Variants in FAM110B observed in about 807,000 individuals in gnomAD.
The protein encoded by FAM110B is family with sequence similarity 110 member B.
In FAM110B, 6 loss-of-function variants were observed where a neutral mutation model predicts 20.4. That is an observed-to-expected ratio of 0.29 (90% CI 0.16 to 0.58). FAM110B has a LOEUF of 0.58. Ranked by LOEUF, FAM110B falls within the 20% of genes least tolerant of loss-of-function variation. The pLI, the probability that FAM110B is intolerant of heterozygous loss-of-function variation, is 0.90. For missense variants in FAM110B, 434 were observed against 498.2 expected (o/e 0.87, Z 1.23); for synonymous variants, 226 against 214.1 (o/e 1.06, Z -0.49).
chr8:58,124,088 C>T (rs1807432666), intron 3 of FAM110B, among the ~76,000 whole-genome samples: 1 of 152,188 alleles, frequency 6.6e-6, no homozygotes, highest in Non-Finnish European at 1.5e-5. Context: ...ATAAAAGTGT[C>T]AACCTAGTGA....
intron 3 of FAM110B, chr8:58,100,881 A>T (rs555813835): frequency 6.6e-6 from 1 of 152,346 alleles, no homozygotes; most frequent in East Asian, 1.9e-4. Flanking sequence ...TTGCAATAAA[A>T]CTGGTTTTCT....
chr8:58,008,750 G>A (rs1010737892), intron 1 of FAM110B, among the ~76,000 whole-genome samples: 3 of 152,186 alleles, frequency 2.0e-5, no homozygotes, highest in African/African-American at 7.2e-5. Flanking sequence ...TCTGAACTAA[G>A]GCTGACACCA....
Position 58,146,235 on chromosome 8 carries a change from C to T in FAM110B, c.5C>T (p.Pro2Leu). 6.3e-7 allele frequency: 1 copy of T among 1,592,118 alleles called. No homozygotes were observed. The highest frequency in any genetic ancestry group is 8.6e-7 in the Non-Finnish European group (1 of 1,165,954). Reference protein sequence around the residue: MPTETLQTGSMV... With the variant: MLTETLQTGSMV... The stretch of plus-strand genomic sequence containing the variant: ...GCCGGGGAAAGACCGCCCACCATGC[C>T]CACGGAGACCCTACAGACAGGTAGC... Residue 2 changes from proline to leucine, a missense_variant, in exon 4 of 4, where the codon CCC becomes CTC. Physicochemically the swap from Pro to Leu is moderately conservative, Grantham distance 98. Around this residue, in one of 3 missense-constraint regions of FAM110B, gnomAD observed 56 missense variants for 82.1 expected, o/e 0.68. Transcript: ENST00000519262.
chr8:58,041,925 ACT>A (rs1339154077), intron 2 of FAM110B, among the ~76,000 whole-genome samples: 3 of 152,058 alleles, frequency 2.0e-5, no homozygotes, highest in African/African-American at 4.8e-5. Flanking sequence ...ATTTCCTTGA[ACT>A]CTGATTTTTC....
At chr8:58,079,072 C>A (rs1806117329) in intron 3 of FAM110B, among the ~76,000 whole-genome samples, 1 of 152,092 alleles carries the variant, frequency 6.6e-6, no homozygotes, top group Non-Finnish European at 1.5e-5. Flanking sequence ...CTCATGCCAG[C>A]ACCCCTGACT....
intron 1 of FAM110B, among the ~76,000 whole-genome samples, chr8:58,017,697 G>A (rs938715444): frequency 6.6e-6 from 1 of 152,208 alleles, no homozygotes; most frequent in African/African-American, 2.4e-5. Flanking sequence ...AATAAATTGT[G>A]AAGAAAGATA....
chr8:58,119,361 T>G (rs76614706), intron 3 of FAM110B, among the ~76,000 whole-genome samples: 1 of 152,228 alleles, frequency 6.6e-6, no homozygotes, highest in Non-Finnish European at 1.5e-5. Context: ...GACTTCTTGC[T>G]ATGTCCTCGC....
chr8:58,017,571 A>G (rs527278711), intron 1 of FAM110B, among the ~76,000 whole-genome samples: 5 of 152,322 alleles, frequency 3.3e-5, no homozygotes, highest in East Asian at 3.9e-4. Context: ...GAGGGTGTGC[A>G]GTTTCTTTTC....
At chr8:58,103,503 C>G (rs1806837344) in intron 3 of FAM110B, among the ~76,000 whole-genome samples, 1 of 152,136 alleles carries the variant, frequency 6.6e-6, no homozygotes, top group South Asian at 2.1e-4. Context: ...GACATGAACT[C>G]ATCATTTTTT....
intron 3 of FAM110B, among the ~76,000 whole-genome samples, chr8:58,108,074 A>G (rs1478692105): frequency 6.6e-6 from 1 of 152,166 alleles, no homozygotes; most frequent in East Asian, 1.9e-4. Context: ...CTTCTTATAC[A>G]TGAGTTTATA....
chr8:58,091,091 A>G (rs1289263886), intron 3 of FAM110B, among the ~76,000 whole-genome samples: 1 of 152,188 alleles, frequency 6.6e-6, no homozygotes, highest in Non-Finnish European at 1.5e-5. Flanking sequence ...CTACTAAAGC[A>G]TGCTCTTTAG....
chr8:58,047,002 C>T (rs1450983160), intron 2 of FAM110B, among the ~76,000 whole-genome samples: 2 of 152,154 alleles, frequency 1.3e-5, no homozygotes, highest in African/African-American at 2.4e-5. Flanking sequence ...CTGATGTCGA[C>T]AGCCGTAATG....
intron 3 of FAM110B, among the ~76,000 whole-genome samples, chr8:58,109,371 T>C (rs897060002): frequency 6.6e-6 from 1 of 152,138 alleles, no homozygotes; most frequent in Non-Finnish European, 1.5e-5. Flanking sequence ...ATTTTTGCTA[T>C]ACAAATCTAG....
At chr8:58,090,312 G>A (rs1028545027) in intron 3 of FAM110B, among the ~76,000 whole-genome samples, 19 of 152,130 alleles carry the variant, frequency 1.2e-4, no homozygotes, top group African/African-American at 3.9e-4. Flanking sequence ...GGCGCATGCC[G>A]CCACACCTGG....
At chr8:58,128,794 G>A (rs1807576715) in intron 3 of FAM110B, among the ~76,000 whole-genome samples, 1 of 152,190 alleles carries the variant, frequency 6.6e-6, no homozygotes, top group Non-Finnish European at 1.5e-5. Flanking sequence ...ATTTTGAGTA[G>A]TTCTTTGTCC....
intron 3 of FAM110B, among the ~76,000 whole-genome samples, chr8:58,084,801 TG>T (rs1806292220): frequency 6.6e-6 from 1 of 152,308 alleles, no homozygotes; most frequent in East Asian, 1.9e-4. Flanking sequence ...TACCTATTCA[TG>T]GGGATTATGT....
chr8:58,018,003 G>A (rs540581888), intron 1 of FAM110B, among the ~76,000 whole-genome samples: 19 of 152,260 alleles, frequency 1.2e-4, no homozygotes, highest in African/African-American at 4.6e-4. Flanking sequence ...AGCTCTTCAC[G>A]TGTATTGGGT....
At chr8:58,054,466 G>T (rs956849254) in intron 2 of FAM110B, among the ~76,000 whole-genome samples, 3 of 152,182 alleles carry the variant, frequency 2.0e-5, no homozygotes, top group Non-Finnish European at 2.9e-5. Flanking sequence ...CATTACCAAA[G>T]AATCAGTGTG....
intron 3 of FAM110B, among the ~76,000 whole-genome samples, chr8:58,082,199 C>G (rs1011889244): frequency 2.0e-5 from 3 of 152,110 alleles, no homozygotes; most frequent in Admixed American, 6.5e-5. Flanking sequence ...ACCCAGGAAG[C>G]CTTTGTGAAA....
Sources: gnomAD v4.1 joint callset for allele counts (sites outside exome capture counted in the v4.1 genomes callset) on GRCh38, gnomAD v4.1.1 for gene constraint, gnomAD v4.1.1 regional missense constraint, MANE v1.5 for transcripts, NCBI Gene and HGNC (gene_info 2026-07-23, HGNC 2026-07-21) for gene names.